Variants in SNTG1 observed in about 807,000 individuals in gnomAD.
The protein encoded by SNTG1 is gamma-1-syntrophin.
In SNTG1, 39 loss-of-function variants were observed where a neutral mutation model predicts 74.7. The ratio of observed to expected loss-of-function variants is 0.52; its 90% CI spans 0.40 to 0.68. The LOEUF is 0.68. Among genes scored for constraint, SNTG1 ranks in the 30% least tolerant of loss-of-function variants. SNTG1 has a pLI of 0.00. For synonymous variants in SNTG1, 254 were observed against 217.1 expected, an observed-to-expected ratio of 1.17 and a Z score of -1.49; for missense variants, 685 against 609.5, an observed-to-expected ratio of 1.12 and a Z score of -1.30.
chr8:50,506,287 C>G lies in SNTG1; in HGVS notation c.466+3407C>G, dbSNP rs539481605. On this transcript the variant is annotated intron_variant, in intron 9 of 18. Coordinates refer to ENST00000642720, the MANE Select transcript of SNTG1 (RefSeq NM_018967.5). ...CTTGAGTTCAGAAAGTGTAAAGCCC[C>G]AGCTCTGTTTTTCTTTCTCAAGAAT... 1.8e-3 allele frequency among the ~76,000 whole-genome samples: 281 copies of G among 152,108 alleles called. 1 individual carries two copies. The highest frequency in any genetic ancestry group is 6.4e-3 in the African/African-American group (266 of 41,542).
chr8:50,687,279 A>G (rs926514294), intron 15 of SNTG1, among the ~76,000 whole-genome samples: 5 of 152,208 alleles, frequency 3.3e-5, no homozygotes, highest in African/African-American at 1.2e-4. Flanking sequence ...GCAGAAAACA[A>G]CTAAGTAGCA....
intron 2 of SNTG1, among the ~76,000 whole-genome samples, chr8:50,206,265 C>T (rs1435774312): frequency 6.6e-6 from 1 of 152,076 alleles, no homozygotes; most frequent in African/African-American, 2.4e-5. Flanking sequence ...TTGTAGTTCT[C>T]CTTGAAGAGG....
intron 2 of SNTG1, among the ~76,000 whole-genome samples, chr8:50,236,790 A>G (rs1036633293): frequency 6.6e-6 from 1 of 152,114 alleles, no homozygotes; most frequent in Non-Finnish European, 1.5e-5. Flanking sequence ...CAGATATAAA[A>G]TAACCTAATG....
intron 2 of SNTG1, among the ~76,000 whole-genome samples, chr8:50,222,641 A>C (rs1410717302): frequency 6.6e-6 from 1 of 152,180 alleles, no homozygotes; most frequent in Non-Finnish European, 1.5e-5. Context: ...ACTTCAAGGC[A>C]TTGTGGGGAC....
At chr8:50,330,579 C>A (rs902800126) in intron 2 of SNTG1, among the ~76,000 whole-genome samples, 2 of 152,212 alleles carry the variant, frequency 1.3e-5, no homozygotes, top group African/African-American at 2.4e-5. Context: ...ATCTTTACAG[C>A]AGTACCCCAC....
intron 1 of SNTG1, among the ~76,000 whole-genome samples, chr8:50,042,528 T>C (rs1818725977): frequency 6.6e-6 from 1 of 152,094 alleles, no homozygotes; most frequent in Non-Finnish European, 1.5e-5. Context: ...ATCATTGCTT[T>C]CCAGCCAGGG....
intron 17 of SNTG1, among the ~76,000 whole-genome samples, chr8:50,725,083 A>T (rs1195280806): frequency 3.3e-5 from 5 of 152,216 alleles, no homozygotes; most frequent in Non-Finnish European, 1.5e-5. Flanking sequence ...TATTTCATTT[A>T]TATGGAGAAT....
intron 2 of SNTG1, among the ~76,000 whole-genome samples, chr8:50,361,192 G>A (rs2091945602): frequency 6.6e-6 from 1 of 151,940 alleles, no homozygotes; most frequent in Admixed American, 6.6e-5. Flanking sequence ...ACACATGCTA[G>A]CCTAGGCCTG....
At chr8:50,454,829 T>TAAAAAAAAAAAAAAAAA (rs1158732952) in intron 8 of SNTG1, among the ~76,000 whole-genome samples, 13 of 95,146 alleles carry the variant, frequency 1.4e-4, no homozygotes, top group African/African-American at 5.2e-4. Context: ...CAGACAGAGC[T>TAAAAAAAAAAAAAAAAA]AAAAAAAAAA....
intron 8 of SNTG1, among the ~76,000 whole-genome samples, chr8:50,461,306 C>A (rs1587703902): frequency 6.6e-6 from 1 of 151,622 alleles, no homozygotes; most frequent in African/African-American, 2.4e-5. Context: ...TGACTTATTA[C>A]CATTGATAAT....
chr8:50,716,105 A>G (rs1175109882), intron 17 of SNTG1, among the ~76,000 whole-genome samples: 1 of 152,164 alleles, frequency 6.6e-6, no homozygotes, highest in East Asian at 1.9e-4. Context: ...ACACATACAC[A>G]CACTTTATTA....
chr8:50,268,370 A>C (rs2087588371), intron 2 of SNTG1, among the ~76,000 whole-genome samples: 1 of 152,178 alleles, frequency 6.6e-6, no homozygotes, highest in African/African-American at 2.4e-5. Context: ...TTTAATATCC[A>C]TCAACATCTA....
At chr8:50,264,657 A>G (rs1295066210) in intron 2 of SNTG1, among the ~76,000 whole-genome samples, 1 of 151,854 alleles carries the variant, frequency 6.6e-6, no homozygotes, top group Non-Finnish European at 1.5e-5. Flanking sequence ...ATAAAATGGA[A>G]ACACATAAAA....
chr8:50,602,788 T>C (rs536959384), intron 13 of SNTG1, among the ~76,000 whole-genome samples: 1 of 152,300 alleles, frequency 6.6e-6, no homozygotes, highest in South Asian at 2.1e-4. Flanking sequence ...TATTCTAATG[T>C]AATAGTTATT....
chr8:50,353,261 G>C (rs994682218), intron 2 of SNTG1, among the ~76,000 whole-genome samples: 99 of 135,418 alleles, frequency 7.3e-4, no homozygotes, highest in Non-Finnish European at 1.2e-3. Flanking sequence ...GTCATGAGGT[G>C]GGGGGAGGGG....
rs189241890 is a variant in SNTG1, at chr8:50,704,677, G to A, written c.1116G>A (p.Val372=). 1.9e-6 allele frequency: 3 copies of A among 1,614,148 alleles called. No individual in the cohort carries two copies. The East Asian group carries it at 6.7e-5, about 36-fold the overall frequency. ...SESGEDLYFS[V]ELESDLAQWE... is the part of the protein sequence containing the mutation. ...CTGGGGAGGACCTGTACTTCTCAGT[G>A]GAGCTGGAAAGTGACCTCGCCCAGT... The change falls in exon 16 of 19, where the codon GTG becomes GTA. Residue 372 remains valine (V), a synonymous_variant. Transcript: ENST00000642720.
chr8:50,632,006 G>A (rs1003096261), intron 13 of SNTG1, among the ~76,000 whole-genome samples: 3 of 152,082 alleles, frequency 2.0e-5, no homozygotes, highest in Admixed American at 6.6e-5. Flanking sequence ...TATGTTAAGC[G>A]ATTTGTCATT....
intron 17 of SNTG1, among the ~76,000 whole-genome samples, chr8:50,742,781 C>T (rs2095546374): frequency 1.3e-5 from 2 of 151,616 alleles, no homozygotes; most frequent in African/African-American, 2.4e-5. Context: ...ATTTATAAGT[C>T]TTTAGCCTGA....
chr8:50,505,226 C>T (rs1249332152), intron 9 of SNTG1, among the ~76,000 whole-genome samples: 4 of 152,096 alleles, frequency 2.6e-5, no homozygotes, highest in Non-Finnish European at 4.4e-5. Context: ...ATTCTTTATT[C>T]AGCCCTCAAA....
Sources: gnomAD v4.1 joint callset for allele counts (sites outside exome capture counted in the v4.1 genomes callset) on GRCh38, gnomAD v4.1.1 for gene constraint, MANE v1.5 for transcripts, NCBI Gene and HGNC (gene_info 2026-07-23, HGNC 2026-07-21) for gene names.